Variants in PBRM1 observed in about 807,000 individuals in gnomAD.
PBRM1 encodes protein polybromo-1.
A neutral mutation model predicts 194.5 loss-of-function variants in PBRM1; 27 were observed. That is an observed-to-expected ratio of 0.14 (90% confidence interval 0.10 to 0.19). PBRM1 has a LOEUF of 0.19. Ranked by LOEUF, PBRM1 falls within the 10% of genes least tolerant of loss-of-function variation. PBRM1 has a pLI of 1.00. For synonymous variants in PBRM1, 655 were observed against 693.2 expected, an observed-to-expected ratio of 0.94 and a Z score of 0.87; for missense variants, 1,466 against 2,077.2, an observed-to-expected ratio of 0.71 and a Z score of 5.72.
At chr3:52,641,419 C>G (rs1352946274) in intron 10 of PBRM1, among the ~76,000 whole-genome samples, 1 of 138,838 alleles carries the variant, frequency 7.2e-6, no homozygotes, top group Non-Finnish European at 1.5e-5. Flanking sequence ...TGCACTCCAG[C>G]CTGGGCAACA....
intron 16 of PBRM1, among the ~76,000 whole-genome samples, chr3:52,606,646 G>A (rs914391811): frequency 2.0e-5 from 3 of 152,148 alleles, no homozygotes; most frequent in Non-Finnish European, 2.9e-5. Flanking sequence ...GAACATAAAC[G>A]CAAGCTGGAA....
intron 27 of PBRM1, chr3:52,551,893 C>G (rs2081067338): frequency 6.6e-6 from 1 of 152,210 alleles, no homozygotes; most frequent in African/African-American, 2.4e-5. Context: ...TTGTGCCATG[C>G]TCAACTCCAT....
intron 5 of PBRM1, among the ~76,000 whole-genome samples, chr3:52,655,943 TAATAC>T (rs2096599791): frequency 6.6e-6 from 1 of 152,156 alleles, no homozygotes; most frequent in South Asian, 2.1e-4. Context: ...TTATAGACAG[TAATAC>T]AAAGGTAAAT....
At chr3:52,607,232 C>T (rs1683857181) in intron 16 of PBRM1, among the ~76,000 whole-genome samples, 1 of 152,152 alleles carries the variant, frequency 6.6e-6, no homozygotes, top group African/African-American at 2.4e-5. Context: ...AATCACAATA[C>T]TATCTTTGTT....
At chr3:52,626,198 C>T (rs935022822) in intron 13 of PBRM1, among the ~76,000 whole-genome samples, 4 of 152,132 alleles carry the variant, frequency 2.6e-5, no homozygotes, top group African/African-American at 9.7e-5. Flanking sequence ...CACACTTTTC[C>T]TCCATTGTCC....
chr3:52,681,772 G>T, upstream of PBRM1: 1 of 998,312 alleles, frequency 1.0e-6, no homozygotes, highest in Non-Finnish European at 1.2e-6. Context: ...AAGCCAGTGG[G>T]AGAAGGAAGG....
At chr3:52,661,972 T>C (rs2096734785) in intron 4 of PBRM1, among the ~76,000 whole-genome samples, 161 bp downstream of exon 5, 1 of 152,212 alleles carries the variant, frequency 6.6e-6, no homozygotes, top group Non-Finnish European at 1.5e-5. Context: ...CCCTTAAAAA[T>C]GGAGTGGGGC....
intron 25 of PBRM1, 126 bp downstream of exon 27, chr3:52,561,641 T>G (rs1225923749): frequency 1.2e-6 from 1 of 830,976 alleles, no homozygotes; most frequent in African/African-American, 1.7e-5. Flanking sequence ...GGGTGCCATT[T>G]GGAACAGTCC....
chr3:52,578,977 T>C (rs745997433), intron 21 of PBRM1, 77 bp downstream of exon 23: 1 of 1,401,250 alleles, frequency 7.1e-7, no homozygotes, highest in East Asian at 2.3e-5. Flanking sequence ...TTTGTCTTCA[T>C]CCGAAGGGTG....
chr3:52,655,923 C>G (rs926225264), intron 5 of PBRM1, among the ~76,000 whole-genome samples: 1 of 152,208 alleles, frequency 6.6e-6, no homozygotes, highest in Non-Finnish European at 1.5e-5. Flanking sequence ...TCCTTCGGAT[C>G]GGGTTCCAGT....
At chr3:52,562,235 G>A (rs2083750550) in intron 24 of PBRM1, among the ~76,000 whole-genome samples, 1 of 151,728 alleles carries the variant, frequency 6.6e-6, no homozygotes, top group South Asian at 2.1e-4. Context: ...GCTGAGGCAG[G>A]AGAATGGCGT....
intron 17 of PBRM1, among the ~76,000 whole-genome samples, chr3:52,589,556 C>T (rs191009293): frequency 2.9e-3 from 438 of 152,178 alleles, no homozygotes; most frequent in Admixed American, 5.4e-3. Flanking sequence ...TGGATAATAT[C>T]GAAAGGCACA....
chr3:52,569,255 G>C (rs1484962534), intron 22 of PBRM1, among the ~76,000 whole-genome samples: 3 of 150,688 alleles, frequency 2.0e-5, no homozygotes, highest in African/African-American at 7.4e-5. Flanking sequence ...CTGTTTCCCA[G>C]GATGGAGTGC....
intron 15 of PBRM1, among the ~76,000 whole-genome samples, chr3:52,612,784 T>A (rs1336981150): frequency 1.3e-5 from 2 of 151,800 alleles, no homozygotes; most frequent in Admixed American, 6.6e-5. Flanking sequence ...CGTGTCCCTG[T>A]AGTTACAGCT....
At chr3:52,590,460 GAA>G (rs796795493) in intron 17 of PBRM1, among the ~76,000 whole-genome samples, 1 of 138,082 alleles carries the variant, frequency 7.2e-6, no homozygotes, top group African/African-American at 2.6e-5. Context: ...CATTTCAAAA[GAA>G]AAAAAAAAAA....
intron 11 of PBRM1, among the ~76,000 whole-genome samples, chr3:52,632,633 TA>T (rs1281454968): frequency 2.6e-5 from 4 of 151,040 alleles, no homozygotes; most frequent in Admixed American, 2.6e-4. Flanking sequence ...AAAAGGTTAC[TA>T]TCCCCCCCAA....
upstream of PBRM1, among the ~76,000 whole-genome samples, chr3:52,680,571 CCCAAGAAAGT>C (rs2097187116): frequency 6.6e-6 from 1 of 152,192 alleles, no homozygotes; most frequent in African/African-American, 2.4e-5. Flanking sequence ...ATAGTATATA[CCCAAGAAAGT>C]CCTGCAATGC....
At chr3:52,658,378 C>T in intron 4 of PBRM1, 63 bp from the exon 6 acceptor site, 2 of 850,336 alleles carry the variant, frequency 2.4e-6, no homozygotes, top group Non-Finnish European at 3.8e-6. Flanking sequence ...TATTACATAG[C>T]TTCTAAAATT....
At chr3:52,668,140 T>C (rs1192778782) in intron 3 of PBRM1, among the ~76,000 whole-genome samples, 1 of 151,904 alleles carries the variant, frequency 6.6e-6, no homozygotes, top group African/African-American at 2.4e-5. Context: ...CTACAAAACA[T>C]GCAAAAATTA....
Sources: allele counts gnomAD v4.1 joint callset (sites outside exome capture counted in the v4.1 genomes callset), GRCh38; gene constraint gnomAD v4.1.1; transcripts MANE v1.5; gene names NCBI Gene and HGNC (gene_info 2026-07-23, HGNC 2026-07-21).